FLRT2: variants seen among roughly 807,000 people sequenced by gnomAD.
The protein encoded by FLRT2 is leucine-rich repeat transmembrane protein FLRT2.
In FLRT2, 15 loss-of-function variants were observed where a neutral mutation model predicts 40.0. The observed-to-expected ratio is 0.38, with a 90% CI of 0.25 to 0.58. The LOEUF is 0.58. Among genes scored for constraint, FLRT2 ranks in the 20% least tolerant of loss-of-function variants. The pLI, the probability that FLRT2 is intolerant of heterozygous loss-of-function variation, is 0.71. For synonymous variants in FLRT2, 380 were observed against 336.8 expected (o/e 1.13, Z -1.41); for missense variants, 726 against 840.0 (o/e 0.86, Z 1.68).
chr14:85,623,410 G>C lies in FLRT2; in HGVS notation c.1896G>C (p.Gly632=). ...FRLQPIYTPN[G]GINYTDCHIP... ...TGCAGCCCATTTACACCCCAAATGGGGGCATTAATTACACAGACTGCCATA... is the reference window on the plus strand; with the variant it reads ...TGCAGCCCATTTACACCCCAAATGGCGGCATTAATTACACAGACTGCCATA... The change falls in exon 2 of 2, where the codon GGG becomes GGC. Residue 632 remains glycine (G), a synonymous_variant. Coordinates refer to ENST00000330753, the MANE Select transcript of FLRT2 (RefSeq NM_013231.6). 1 of 1,503,788 alleles carries C rather than the reference G, an allele frequency of 6.6e-7. No individual in the cohort carries two copies. The highest frequency in any genetic ancestry group is 2.4e-5 in the Admixed American group (1 of 40,902). The allele number at this position is 1,503,788 out of a possible 1,614,324, so 93.2% of individuals were successfully genotyped here.
chr14:85,565,654 C>T (rs1265249529), intron 1 of FLRT2, among the ~76,000 whole-genome samples: 1 of 151,998 alleles, frequency 6.6e-6, no homozygotes, highest in Non-Finnish European at 1.5e-5. Context: ...TTTTAAAATA[C>T]ACATCGTTAG....
In FLRT2 at chr14:85,630,419, A is replaced by G. The variant is rs984567592; in HGVS notation, c.*6922A>G. ...GGTCACTCTTTTCCTAATATAAAAAACTATGCTGGCTCAAAAAGTCTTCTA... is the reference window on the plus strand; with the variant it reads ...GGTCACTCTTTTCCTAATATAAAAAGCTATGCTGGCTCAAAAAGTCTTCTA... On this transcript the variant is annotated 3_prime_UTR_variant, in exon 2 of 2. Transcript: ENST00000330753. 5.3e-5 allele frequency: 8 copies of G among 151,888 alleles called. No individual in the cohort carries two copies. Among genetic ancestry groups the G allele is most frequent in the Non-Finnish European group, 8.8e-5 (6 of 67,998 alleles). The allele number at this position is 151,888 out of a possible 1,614,324, so 9.4% of individuals were successfully genotyped here. A position where few individuals can be genotyped will look rare whatever the true frequency, so the allele number is the denominator to read the frequency against.
chr14:85,604,652 CTG>C (rs1160668341), intron 1 of FLRT2, among the ~76,000 whole-genome samples: 1 of 151,558 alleles, frequency 6.6e-6, no homozygotes, highest in Non-Finnish European at 1.5e-5. Context: ...GTTTTTAAAA[CTG>C]AGAAGATTTT....
intron 1 of FLRT2, among the ~76,000 whole-genome samples, chr14:85,607,861 A>G (rs1892691648): frequency 6.6e-6 from 1 of 152,068 alleles, no homozygotes; most frequent in Non-Finnish European, 1.5e-5. Flanking sequence ...AACAACAGAA[A>G]TGTATTTTCT....
rs559457115 is a variant in FLRT2 at position 85,605,815 on chromosome 14, C to T, written c.-376-15324C>T. Among the ~76,000 whole-genome samples the T allele has an allele frequency of 8.5e-5, 13 of 152,184 alleles. 1 individual carries two copies. In the South Asian group the frequency reaches 2.5e-3, roughly 29 times the overall value. On this transcript the variant is annotated intron_variant, in intron 1 of 1. Coordinates refer to ENST00000330753, the MANE Select transcript of FLRT2 (RefSeq NM_013231.6). ...TAAAATAACTTGTACACAGAAACAT[C>T]AAATTGGACATTAATTGGCCAATCT...
intron 1 of FLRT2, among the ~76,000 whole-genome samples, chr14:85,552,410 G>A (rs1295443179): frequency 1.3e-5 from 2 of 152,178 alleles, no homozygotes; most frequent in Admixed American, 1.3e-4. Context: ...ATCCACAGGA[G>A]GCATTTTGCA....
chr14:85,615,250 A>C (rs1420317563), intron 1 of FLRT2, among the ~76,000 whole-genome samples: 1 of 152,206 alleles, frequency 6.6e-6, no homozygotes, highest in African/African-American at 2.4e-5. Context: ...AGTGTCTTCA[A>C]TTTCATCCAT....
At chr14:85,609,084 A>C (rs1892750455) in intron 1 of FLRT2, among the ~76,000 whole-genome samples, 2 of 152,240 alleles carry the variant, frequency 1.3e-5, no homozygotes, top group African/African-American at 4.8e-5. Flanking sequence ...CCTGAAACCC[A>C]AGAGGCTTTG....
intron 1 of FLRT2, among the ~76,000 whole-genome samples, chr14:85,607,083 A>AG (rs1227488310): frequency 1.3e-5 from 2 of 151,970 alleles, no homozygotes; most frequent in African/African-American, 4.8e-5. Context: ...TTTCCACAAG[A>AG]ACCAGTTTTT....
At chr14:85,582,634 T>C (rs760675010) in intron 1 of FLRT2, among the ~76,000 whole-genome samples, 15 of 152,124 alleles carry the variant, frequency 9.9e-5, no homozygotes, top group Non-Finnish European at 1.9e-4. Context: ...TCAAATAAGG[T>C]GCCTGGTACG....
chr14:85,555,556 G>T (rs1889894684), intron 1 of FLRT2, among the ~76,000 whole-genome samples: 1 of 151,968 alleles, frequency 6.6e-6, no homozygotes, highest in African/African-American at 2.4e-5. Context: ...ACCACCCCAT[G>T]ATTCAATTAT....
At chr14:85,613,732 G>A in intron 1 of FLRT2, among the ~76,000 whole-genome samples, 1 of 152,190 alleles carries the variant, frequency 6.6e-6, no homozygotes, top group East Asian at 1.9e-4. Context: ...CAGCCTGTCT[G>A]CCTAGAGCTT....
intron 1 of FLRT2, among the ~76,000 whole-genome samples, chr14:85,596,868 C>G (rs746949692): frequency 1.3e-5 from 2 of 152,074 alleles, no homozygotes; most frequent in Non-Finnish European, 2.9e-5. Flanking sequence ...ATGGCCTTAA[C>G]GATTTGATTC....
chr14:85,583,460 A>G (rs958952903), intron 1 of FLRT2, among the ~76,000 whole-genome samples: 6 of 152,134 alleles, frequency 3.9e-5, no homozygotes. Context: ...TGTCCCATGA[A>G]CAGAATTCAA....
intron 1 of FLRT2, among the ~76,000 whole-genome samples, chr14:85,615,055 T>C (rs1893062240): frequency 3.3e-5 from 5 of 152,202 alleles, no homozygotes; most frequent in Admixed American, 3.3e-4. Context: ...AACCAGTTGC[T>C]ATCAGGAATA....
At chr14:85,579,405 C>T (rs1296923566) in intron 1 of FLRT2, among the ~76,000 whole-genome samples, 1 of 152,158 alleles carries the variant, frequency 6.6e-6, no homozygotes, top group Non-Finnish European at 1.5e-5. Context: ...TGACAAGTAG[C>T]CGCCACCAAA....
chr14:85,567,538 T>C lies in FLRT2; in HGVS notation c.-377+37004T>C, dbSNP rs116020755. On this transcript the variant is annotated intron_variant, in intron 1 of 1. Coordinates refer to ENST00000330753, the MANE Select transcript of FLRT2 (RefSeq NM_013231.6). ...TCAGTATCTTTCTGTACAATGCACATAGTTAGAGTACCTGCTGTTAGGGTG... is the reference window on the plus strand; with the variant it reads ...TCAGTATCTTTCTGTACAATGCACACAGTTAGAGTACCTGCTGTTAGGGTG... 5.7e-3 allele frequency among the ~76,000 whole-genome samples: 874 copies of C among 152,050 alleles called. 13 individuals are homozygous for C. The highest frequency in any genetic ancestry group is 0.02 in the African/African-American group (830 of 41,468).
rs539016075 is a variant in FLRT2 at position 85,541,133 on chromosome 14, G to T, written c.-377+10599G>T. On this transcript the variant is annotated intron_variant, in intron 1 of 1. Transcript: ENST00000330753. The stretch of plus-strand genomic sequence containing the variant: ...TTGGTGATTTTCTTTTTCCAAATAG[G>T]TCTTAGGGAAACTGTAAATGAAGAA... 2.6e-5 allele frequency among the ~76,000 whole-genome samples: 4 copies of T among 152,240 alleles called. No individual in the cohort carries two copies. In the East Asian group the frequency reaches 5.8e-4, roughly 22 times the overall value.
At chr14:85,607,409 TAGC>T (rs999584794) in intron 1 of FLRT2, among the ~76,000 whole-genome samples, 7 of 152,222 alleles carry the variant, frequency 4.6e-5, no homozygotes, top group East Asian at 3.9e-4. Context: ...AATAACCACT[TAGC>T]AGCAGTTTTC....
Sources: allele counts gnomAD v4.1 joint callset (sites outside exome capture counted in the v4.1 genomes callset), GRCh38; gene constraint gnomAD v4.1.1; transcripts MANE v1.5; gene names NCBI Gene and HGNC (gene_info 2026-07-23, HGNC 2026-07-21).